The following INPP5D variants were observed in gnomAD, a reference collection of about 807,000 sequenced individuals.
INPP5D encodes the protein inositol polyphosphate-5-phosphatase D.
Under a neutral mutation model 122.9 loss-of-function variants are expected in INPP5D, and 33 were observed. That is an observed-to-expected ratio of 0.27 (90% confidence interval 0.20 to 0.36). The LOEUF (loss-of-function observed/expected upper bound fraction) is 0.36, where lower values mean the gene tolerates loss of function less well. INPP5D is among the 10% of genes least tolerant of loss of function. The probability of loss-of-function intolerance (pLI) is 1.00; values close to 1 mark genes in which losing one functional copy is unlikely to be tolerated. For missense variants in INPP5D, 1,053 were observed against 1,412.7 expected, an observed-to-expected ratio of 0.75 and a Z score of 4.08; for synonymous variants, 584 against 576.2, an observed-to-expected ratio of 1.01 and a Z score of -0.19.
In INPP5D at chr2:233,170,591, C is replaced by T; in HGVS notation, c.1887C>T (p.Val629=). The change falls in exon 16 of 27, where the codon GTC becomes GTT. Residue 629 remains valine (V), a synonymous_variant. Transcript: ENST00000445964. The surrounding 1 kb of genome is among the most constrained non-coding windows in gnomAD (Gnocchi z 4.5). ...QLLTERREQK[V]FLHFEEEEIT... is the part of the protein sequence containing the mutation. ...TCACAGAGAGGAGGGAGCAGAAGGT[C>T]TTCCTACACTTCGGTAAGAGCAGCA... is the stretch of plus-strand genomic sequence containing the variant. 1 of 1,613,152 alleles carries T rather than the reference C, an allele frequency of 6.2e-7. No individual in the cohort carries two copies. Among genetic ancestry groups the T allele is most frequent in the Non-Finnish European group, 8.5e-7 (1 of 1,179,604 alleles).
chr2:233,137,848 AAAAAAATATATATAT>A (rs1693512892), intron 5 of INPP5D, among the ~76,000 whole-genome samples: 1 of 14,320 alleles, frequency 7.0e-5, no homozygotes, highest in African/African-American at 2.0e-4. Context: ...AAAAAAAAAA[AAAAAAATATATATAT>A]ATATATATAT....
chr2:233,108,510 A>G (rs1269549689), intron 2 of INPP5D, among the ~76,000 whole-genome samples: 1 of 152,236 alleles, frequency 6.6e-6, no homozygotes, highest in African/African-American at 2.4e-5. Context: ...TGATCAGTCA[A>G]CATCCATTCT....
intron 2 of INPP5D, among the ~76,000 whole-genome samples, chr2:233,087,630 G>A (rs1466703800): frequency 6.6e-6 from 1 of 152,020 alleles, no homozygotes; most frequent in Admixed American, 6.6e-5. Flanking sequence ...CAGCCCTGAG[G>A]TATTTGAAAA....
intron 11 of INPP5D, among the ~76,000 whole-genome samples, chr2:233,162,267 A>G (rs956030032): frequency 8.0e-5 from 12 of 150,450 alleles, no homozygotes; most frequent in Admixed American, 7.3e-4. Flanking sequence ...TACGTAGACA[A>G]AGGATGCCCA....
At chr2:233,168,005 C>CAAAAAAA (rs58025565) in intron 13 of INPP5D, among the ~76,000 whole-genome samples, 67 of 72,682 alleles carry the variant, frequency 9.2e-4, no homozygotes, top group Non-Finnish European at 1.1e-3. Context: ...ACTCTGTCTC[C>CAAAAAAA]AAAAAAAAAA....
intron 5 of INPP5D, among the ~76,000 whole-genome samples, chr2:233,132,646 T>C (rs1300117970): frequency 6.6e-6 from 1 of 152,238 alleles, no homozygotes; most frequent in Non-Finnish European, 1.5e-5. Flanking sequence ...CCAGAATCCC[T>C]GCAGATTCTC....
chr2:233,084,608 G>C (rs967033029), intron 2 of INPP5D, among the ~76,000 whole-genome samples: 2 of 152,358 alleles, frequency 1.3e-5, no homozygotes, highest in Admixed American at 1.3e-4. Flanking sequence ...ACAAGCATCC[G>C]GGAGGTGAAC....
intron 23 of INPP5D, 37 bp downstream of exon 23, chr2:233,193,998 C>T (rs1695118724): frequency 6.5e-7 from 1 of 1,542,356 alleles, no homozygotes; most frequent in Non-Finnish European, 8.8e-7. Flanking sequence ...CCTCTTCAGC[C>T]CCCCACTTAG....
intron 10 of INPP5D, among the ~76,000 whole-genome samples, chr2:233,159,620 G>A (rs1166145362): frequency 3.4e-5 from 5 of 146,612 alleles, no homozygotes; most frequent in Non-Finnish European, 7.4e-5. Flanking sequence ...CTTGAACCCA[G>A]GAGTTTGAGG....
Position 233,180,695 on chromosome 2 carries a change from C to T in INPP5D, c.2072-1715C>T, listed in dbSNP as rs139966555. 4.0e-3 allele frequency among the ~76,000 whole-genome samples: 602 copies of T among 151,844 alleles called. 2 individuals carry two copies. Among genetic ancestry groups the T allele is most frequent in the African/African-American group, 0.014 (574 of 41,460 alleles). ...CTGGGATTACAGGCGCCCACCACCACGCCCAGCTAATTTTTGTATTTTTAG... is the reference window on the plus strand; with the variant it reads ...CTGGGATTACAGGCGCCCACCACCATGCCCAGCTAATTTTTGTATTTTTAG... On this transcript the variant is annotated intron_variant, in intron 18 of 26. Transcript: ENST00000445964.
chr2:233,080,573 T>C (rs146689221), intron 2 of INPP5D, among the ~76,000 whole-genome samples: 1 of 152,226 alleles, frequency 6.6e-6, no homozygotes, highest in East Asian at 1.9e-4. Flanking sequence ...TTGGATATCA[T>C]GTCATGGAAG....
rs1302033140 is a variant in INPP5D, at chr2:233,198,392, A to C, written c.2975+16A>C. ...AGGAGTCAAGGTGAGCATCCTCTTC[A>C]TTAAGACGGCTCCCTCCCTCCTTAT... On this transcript the variant is annotated intron_variant, in intron 25 of 26. Transcript: ENST00000445964. 6.3e-7 allele frequency: 1 copy of C among 1,598,042 alleles called. No homozygotes were observed. The highest frequency in any genetic ancestry group is 8.6e-7 in the Non-Finnish European group (1 of 1,168,152).
chr2:233,118,781 G>A (rs1485940290), intron 2 of INPP5D, among the ~76,000 whole-genome samples: 3 of 152,216 alleles, frequency 2.0e-5, no homozygotes, highest in African/African-American at 4.8e-5. Flanking sequence ...GTGGAGGAAG[G>A]CTCCCTCCTC....
chr2:233,149,260 C>T (rs1693859957), intron 9 of INPP5D, among the ~76,000 whole-genome samples: 1 of 151,994 alleles, frequency 6.6e-6, no homozygotes, highest in African/African-American at 2.4e-5. Flanking sequence ...CACCACCACG[C>T]CCAGCTATTT....
At chr2:233,180,758 C>T (rs1293772069) in intron 18 of INPP5D, among the ~76,000 whole-genome samples, 3 of 150,906 alleles carry the variant, frequency 2.0e-5, no homozygotes, top group Non-Finnish European at 2.9e-5. Flanking sequence ...AGGCTGATCT[C>T]GAACTCCTGG....
At chr2:233,102,570 G>A (rs920688633) in intron 2 of INPP5D, among the ~76,000 whole-genome samples, 2 of 152,158 alleles carry the variant, frequency 1.3e-5, no homozygotes, top group African/African-American at 4.8e-5. Flanking sequence ...CAAAACCACA[G>A]CGCCTCGGTG....
chr2:233,204,070 G>A (rs1489465141), intron 25 of INPP5D, 56 bp from the exon 26 acceptor site: 32 of 1,449,532 alleles, frequency 2.2e-5, no homozygotes, highest in Middle Eastern at 3.7e-4. Context: ...AAGCAGCCAT[G>A]CTCCCATGTC....
rs1324349207 is a variant in INPP5D at position 233,094,510 on chromosome 2, CCCAAAAAAA to C, written c.198+15113_198+15121del. Among the ~76,000 whole-genome samples, 37 of 27,796 alleles carry C rather than the reference CCCAAAAAAA, an allele frequency of 1.3e-3. 1 individual carries two copies. The highest frequency in any genetic ancestry group is 7.8e-3 in the Admixed American group (16 of 2,052). The allele number at this position is 27,796 out of a possible 152,430, so 18.2% of individuals were successfully genotyped here. A position where few individuals can be genotyped will look rare whatever the true frequency, so the allele number is the denominator to read the frequency against. ...CTTGGGCAATAGAGCAAGACTCCATCCCAAAAAAAAAAAAAAAAAAAAAAAAAAAAAATT... is the reference window on the plus strand; with the variant it reads ...CTTGGGCAATAGAGCAAGACTCCATCAAAAAAAAAAAAAAAAAAAAAAATT... On this transcript the variant is annotated intron_variant, in intron 2 of 26. Transcript: ENST00000445964.
Position 233,160,702 on chromosome 2 carries a change from T to C in INPP5D, c.1138-1022T>C, listed in dbSNP as rs1212411027. ...CGGCTGAAGTGCAGTGGCAAGATCA[T>C]GGCTCACTGCAACCTCAACTTTCTG... On this transcript the variant is annotated intron_variant, in intron 10 of 26. Coordinates refer to ENST00000445964, the MANE Select transcript of INPP5D (RefSeq NM_001017915.3). The surrounding 1 kb of genome is among the most constrained non-coding windows in gnomAD (Gnocchi z 4.2). Among the ~76,000 whole-genome samples, 1 of 152,184 alleles carries C rather than the reference T, an allele frequency of 6.6e-6. No individual in the cohort carries two copies. Among genetic ancestry groups the C allele is most frequent in the Non-Finnish European group, 1.5e-5 (1 of 68,030 alleles).
Sources: allele counts gnomAD v4.1 joint callset (sites outside exome capture counted in the v4.1 genomes callset), GRCh38; gene constraint gnomAD v4.1.1; non-coding constraint Gnocchi (gnomAD v3.1); transcripts MANE v1.5; gene names NCBI Gene and HGNC (gene_info 2026-07-23, HGNC 2026-07-21).